Variants in SLC16A10 observed in about 807,000 individuals in gnomAD.
SLC16A10 encodes the protein solute carrier family 16 member 10.
SLC16A10 carries 27 observed loss-of-function variants against 40.0 expected under a neutral mutation model. The ratio of observed to expected loss-of-function variants is 0.67; its 90% CI spans 0.50 to 0.93. SLC16A10 has a LOEUF of 0.93. SLC16A10 is among the 40% of genes least tolerant of loss of function. SLC16A10 has a pLI of 0.00. For missense variants in SLC16A10, 529 were observed against 658.2 expected, an observed-to-expected ratio of 0.80 and a Z score of 2.15; for synonymous variants, 213 against 249.8, an observed-to-expected ratio of 0.85 and a Z score of 1.39.
At chr6:111,123,434 A>G (rs1771618909) in intron 1 of SLC16A10, among the ~76,000 whole-genome samples, 1 of 152,178 alleles carries the variant, frequency 6.6e-6, no homozygotes, top group Admixed American at 6.5e-5. Flanking sequence ...ATCCATGCTC[A>G]GGTATGTGTT....
intron 1 of SLC16A10, among the ~76,000 whole-genome samples, chr6:111,149,052 T>C (rs1249689994): frequency 1.3e-5 from 2 of 152,218 alleles, no homozygotes; most frequent in Non-Finnish European, 2.9e-5. Context: ...TCTGTAGCTA[T>C]TACCTTAGCC....
intron 4 of SLC16A10, among the ~76,000 whole-genome samples, chr6:111,210,589 T>C (rs1334648640): frequency 6.6e-6 from 1 of 152,166 alleles, no homozygotes; most frequent in African/African-American, 2.4e-5. Flanking sequence ...ACATGGTCCC[T>C]GAGTTCCTAA....
chr6:111,227,429 G>A lies in SLC16A10; in HGVS notation c.*5194G>A, dbSNP rs1771021791. ...GCATAAGTGTCGGAACCACAATTAT[G>A]GACCCACCATCAATGTGCATTTTAT... On this transcript the variant is annotated 3_prime_UTR_variant, in exon 6 of 6. Transcript: ENST00000368851. 6.6e-6 allele frequency: 1 copy of A among 152,104 alleles called. No homozygotes were observed. The highest frequency in any genetic ancestry group is 1.5e-5 in the Non-Finnish European group (1 of 68,028). The allele number at this position is 152,104 out of a possible 1,614,324, so 9.4% of individuals were successfully genotyped here. A position where few individuals can be genotyped will look rare whatever the true frequency, so the allele number is the denominator to read the frequency against.
intron 1 of SLC16A10, among the ~76,000 whole-genome samples, chr6:111,130,172 A>G (rs1771755637): frequency 6.6e-6 from 1 of 152,244 alleles, no homozygotes; most frequent in African/African-American, 2.4e-5. Flanking sequence ...ACACTTTATC[A>G]TAACAAAAAA....
Position 111,223,387 on chromosome 6 carries a change from T to A in SLC16A10, c.*1152T>A, listed in dbSNP as rs536845091. The A allele has an allele frequency of 6.6e-6, 1 of 152,248 alleles. No individual in the cohort carries two copies. Among genetic ancestry groups the A allele is most frequent in the South Asian group, 2.1e-4 (1 of 4,832 alleles). The allele number at this position is 152,248 out of a possible 1,614,324, so 9.4% of individuals were successfully genotyped here. ...TATACAGATTATCATAAGAAAGCTC[T>A]CAGTTTGAGGACCCAAAATAAAACC... On this transcript the variant is annotated 3_prime_UTR_variant, in exon 6 of 6. Transcript: ENST00000368851.
intron 1 of SLC16A10, among the ~76,000 whole-genome samples, chr6:111,111,984 A>ATG (rs539051292): frequency 4.1e-4 from 62 of 151,964 alleles, no homozygotes; most frequent in South Asian, 1.5e-3. Flanking sequence ...GTGTGTATAG[A>ATG]TGTGTGTGTG....
intron 2 of SLC16A10, among the ~76,000 whole-genome samples, chr6:111,174,450 A>G (rs1456474868): frequency 6.6e-6 from 1 of 150,416 alleles, no homozygotes; most frequent in Non-Finnish European, 1.5e-5. Context: ...TAGAAATTCT[A>G]TTTGGATTTT....
intron 1 of SLC16A10, among the ~76,000 whole-genome samples, chr6:111,137,847 A>T (rs1375574965): frequency 1.3e-5 from 2 of 152,236 alleles, no homozygotes; most frequent in Non-Finnish European, 2.9e-5. Context: ...CTTGCAACGT[A>T]GCTCACACCC....
intron 1 of SLC16A10, among the ~76,000 whole-genome samples, chr6:111,171,100 G>A (rs1038193257): frequency 4.6e-5 from 7 of 152,206 alleles, no homozygotes; most frequent in Non-Finnish European, 7.4e-5. Flanking sequence ...TTGCGTCACC[G>A]CACTCCAGCC....
intron 3 of SLC16A10, among the ~76,000 whole-genome samples, chr6:111,185,369 G>A (rs956050074): frequency 3.3e-5 from 5 of 152,110 alleles, no homozygotes; most frequent in East Asian, 1.9e-4. Context: ...TGCTTTGCAC[G>A]TTTCCCTTCT....
At chr6:111,105,270 A>T (rs995997148) in intron 1 of SLC16A10, among the ~76,000 whole-genome samples, 3 of 152,152 alleles carry the variant, frequency 2.0e-5, no homozygotes, top group African/African-American at 7.2e-5. Context: ...ATGTTATCTT[A>T]TATATTCACA....
At chr6:111,096,475 G>C (rs1771076485) in intron 1 of SLC16A10, among the ~76,000 whole-genome samples, 1 of 150,024 alleles carries the variant, frequency 6.7e-6, no homozygotes. Flanking sequence ...AGCACACCTG[G>C]GAACTGCGCA....
chr6:111,094,769 C>T lies in SLC16A10; in HGVS notation c.343+6674C>T, dbSNP rs559380175. ...CCTCCTATCTCAGCTTTTTGAGTAG[C>T]TGCAACACCAGGCACATGCCACCAT... is the stretch of plus-strand genomic sequence containing the variant. On this transcript the variant is annotated intron_variant, in intron 1 of 5. Transcript: ENST00000368851. Among the ~76,000 whole-genome samples the T allele has an allele frequency of 2.0e-5, 3 of 151,942 alleles. No individual in the cohort carries two copies. The South Asian group carries it at 6.2e-4, about 32-fold the overall frequency.
intron 1 of SLC16A10, among the ~76,000 whole-genome samples, chr6:111,125,901 A>G (rs1363017387): frequency 6.6e-6 from 1 of 152,082 alleles, no homozygotes; most frequent in Non-Finnish European, 1.5e-5. Flanking sequence ...CTAGGACACA[A>G]GCCTAAATCT....
intron 1 of SLC16A10, among the ~76,000 whole-genome samples, chr6:111,088,350 C>T (rs1263840069): frequency 6.6e-6 from 1 of 152,238 alleles, no homozygotes. Flanking sequence ...TTGCCGAGAT[C>T]GTCCTCCTTT....
intron 5 of SLC16A10, among the ~76,000 whole-genome samples, chr6:111,221,412 A>G (rs375983917): frequency 7.2e-5 from 11 of 152,250 alleles, no homozygotes; most frequent in African/African-American, 2.4e-4. Context: ...ATGATGTTAA[A>G]TAGTTTTCAT....
intron 4 of SLC16A10, among the ~76,000 whole-genome samples, chr6:111,217,564 C>T (rs1770784767): frequency 1.3e-5 from 2 of 151,804 alleles, no homozygotes; most frequent in Admixed American, 6.6e-5. Flanking sequence ...ATTCTCCTGC[C>T]TTAGCCTCCC....
At chr6:111,178,044 T>G (rs1320898375) in intron 3 of SLC16A10, among the ~76,000 whole-genome samples, 1 of 152,170 alleles carries the variant, frequency 6.6e-6, no homozygotes, top group Non-Finnish European at 1.5e-5. Flanking sequence ...AAACACAATG[T>G]TTTTTAACAG....
chr6:111,107,819 C>T (rs1434076022), intron 1 of SLC16A10, among the ~76,000 whole-genome samples: 1 of 152,156 alleles, frequency 6.6e-6, no homozygotes, highest in African/African-American at 2.4e-5. Context: ...TGTTGACTTT[C>T]TGGGGAGCCA....
Sources: gnomAD v4.1 joint callset for allele counts (sites outside exome capture counted in the v4.1 genomes callset) on GRCh38, gnomAD v4.1.1 for gene constraint, MANE v1.5 for transcripts, NCBI Gene and HGNC (gene_info 2026-07-23, HGNC 2026-07-21) for gene names.